NRXN1: variants seen among roughly 807,000 people sequenced by gnomAD.
NRXN1 encodes the protein neurexin 1.
NRXN1 carries 39 observed loss-of-function variants against 150.9 expected under a neutral mutation model. That is an observed-to-expected ratio of 0.26 (90% CI 0.20 to 0.34). The LOEUF (loss-of-function observed/expected upper bound fraction) is 0.34, where lower values mean the gene tolerates loss of function less well. Among genes scored for constraint, NRXN1 ranks in the 10% least tolerant of loss-of-function variants. The pLI, the probability that NRXN1 is intolerant of heterozygous loss-of-function variation, is 1.00. For missense variants in NRXN1, 1,815 were observed against 1,949.9 expected, an observed-to-expected ratio of 0.93 and a Z score of 1.30; for synonymous variants, 924 against 757.0, an observed-to-expected ratio of 1.22 and a Z score of -3.62.
In NRXN1 at chr2:49,922,115, G is replaced by A. The variant is rs1668310083; in HGVS notation, c.4353C>T (p.Ala1451=). 1 of 1,614,120 alleles carries A rather than the reference G, an allele frequency of 6.2e-7. No homozygotes were observed. Among genetic ancestry groups the A allele is most frequent in the East Asian group, 2.2e-5 (1 of 44,856 alleles). Residue 1451 remains alanine, a synonymous_variant, in exon 23 of 23, where the codon GCC becomes GCT. Transcript: ENST00000401669. The part of the protein sequence containing the change: ...AALCILILLY[A]MYKYRNRDEG... Reference sequence around the variant, plus strand: ...CATCCCGGTTTCTGTACTTGTACATGGCATAGAGGAGGATAAGGATGCACA... The same window carrying A: ...CATCCCGGTTTCTGTACTTGTACATAGCATAGAGGAGGATAAGGATGCACA...
chr2:50,762,157 A>C (rs994874830), intron 5 of NRXN1, among the ~76,000 whole-genome samples: 6 of 149,550 alleles, frequency 4.0e-5, no homozygotes, highest in Non-Finnish European at 7.4e-5. Flanking sequence ...ACACACATCT[A>C]TCCTATTAGT....
At chr2:50,617,085 G>C (rs904079594) in intron 8 of NRXN1, among the ~76,000 whole-genome samples, 3 of 152,132 alleles carry the variant, frequency 2.0e-5, no homozygotes, top group Non-Finnish European at 2.9e-5. Flanking sequence ...AACAAGAGCA[G>C]GGCCTTCTAA....
intron 17 of NRXN1, among the ~76,000 whole-genome samples, chr2:50,400,215 T>C (rs1484491271): frequency 1.3e-5 from 2 of 152,140 alleles, no homozygotes; most frequent in East Asian, 1.9e-4. Flanking sequence ...AAGGAAGCGA[T>C]GTCGAGTTTC....
chr2:50,284,817 A>C (rs2071910565), intron 17 of NRXN1, among the ~76,000 whole-genome samples: 2 of 152,182 alleles, frequency 1.3e-5, no homozygotes, highest in African/African-American at 2.4e-5. Flanking sequence ...CATATTCAGT[A>C]ACACCTTGCT....
At chr2:50,563,933 C>G (rs1202433682) in intron 8 of NRXN1, among the ~76,000 whole-genome samples, 1 of 152,120 alleles carries the variant, frequency 6.6e-6, no homozygotes, top group Non-Finnish European at 1.5e-5. Context: ...GAAAAGGTGG[C>G]ATTTAAGACA....
At chr2:50,155,196 T>A (rs1481670975) in intron 18 of NRXN1, among the ~76,000 whole-genome samples, 1 of 151,660 alleles carries the variant, frequency 6.6e-6, no homozygotes, top group Non-Finnish European at 1.5e-5. Flanking sequence ...TAAAATACTA[T>A]CCAGTTGAAA....
chr2:50,136,796 G>A (rs1236829555), intron 18 of NRXN1, among the ~76,000 whole-genome samples: 1 of 152,126 alleles, frequency 6.6e-6, no homozygotes, highest in South Asian at 2.1e-4. Flanking sequence ...TTATTTATTT[G>A]TTATGGTCCC....
chr2:50,479,722 A>C (rs562856818), intron 15 of NRXN1, among the ~76,000 whole-genome samples: 4 of 148,996 alleles, frequency 2.7e-5, no homozygotes, highest in African/African-American at 9.9e-5. Flanking sequence ...ATAATGAATT[A>C]AGTTAATTGT....
At chr2:50,649,550 T>C (rs535969829) in intron 5 of NRXN1, among the ~76,000 whole-genome samples, 22 of 152,094 alleles carry the variant, frequency 1.4e-4, no homozygotes, top group Admixed American at 8.5e-4. Context: ...GTGAGATTGG[T>C]TGGTTTTGCT....
chr2:50,860,487 T>C (rs776443914), intron 5 of NRXN1, among the ~76,000 whole-genome samples: 7 of 151,890 alleles, frequency 4.6e-5, no homozygotes, highest in Admixed American at 6.6e-5. Context: ...AGATGAAAGG[T>C]GAAAGGTCAT....
At chr2:50,290,112 T>G (rs2072726652) in intron 17 of NRXN1, among the ~76,000 whole-genome samples, 2 of 152,110 alleles carry the variant, frequency 1.3e-5, no homozygotes, top group South Asian at 2.1e-4. Flanking sequence ...TTCAGACACA[T>G]GATGAAAGTA....
At chr2:50,559,069 G>A (rs1668673358) in intron 8 of NRXN1, among the ~76,000 whole-genome samples, 1 of 152,030 alleles carries the variant, frequency 6.6e-6, no homozygotes, top group African/African-American at 2.4e-5. Flanking sequence ...GTGACAGAGT[G>A]AGACTCCGTC....
intron 19 of NRXN1, among the ~76,000 whole-genome samples, chr2:50,070,258 G>C (rs1225691961): frequency 6.6e-6 from 1 of 152,156 alleles, no homozygotes; most frequent in Admixed American, 6.5e-5. Context: ...TAGCACTAAA[G>C]AGATTAGATC....
At chr2:50,987,359 G>C (rs1697884231) in intron 2 of NRXN1, among the ~76,000 whole-genome samples, 1 of 151,794 alleles carries the variant, frequency 6.6e-6, no homozygotes, top group Non-Finnish European at 1.5e-5. Context: ...TCTTCTTCTA[G>C]ATATTCACTC....
intron 8 of NRXN1, among the ~76,000 whole-genome samples, chr2:50,617,261 C>T (rs1428464820): frequency 6.6e-6 from 1 of 151,908 alleles, no homozygotes; most frequent in Non-Finnish European, 1.5e-5. Flanking sequence ...TAGAGTGAAA[C>T]CCGTCACTAC....
At chr2:50,354,126 T>C (rs985888412) in intron 17 of NRXN1, among the ~76,000 whole-genome samples, 6 of 152,186 alleles carry the variant, frequency 3.9e-5, no homozygotes, top group African/African-American at 7.2e-5. Flanking sequence ...GCATAGATCA[T>C]AGTGCTGTTC....
chr2:50,584,056 G>A (rs1023573194), intron 8 of NRXN1, among the ~76,000 whole-genome samples: 2 of 152,134 alleles, frequency 1.3e-5, no homozygotes, highest in Non-Finnish European at 2.9e-5. Context: ...GAAAGAAAAA[G>A]TCTACCCAGT....
chr2:50,031,023 T>C lies in NRXN1; in HGVS notation c.4128+22248A>G, dbSNP rs377308194. The stretch of plus-strand genomic sequence containing the variant: ...GGGACAAAAAAGGGTTCCTGGCTCA[T>C]AATTTTAAAGCACTACCCACAGTGG... On this transcript the variant is annotated intron_variant, in intron 21 of 22. Transcript: ENST00000401669. 2.3e-4 allele frequency among the ~76,000 whole-genome samples: 35 copies of C among 152,194 alleles called. No individual in the cohort carries two copies. The South Asian group carries it at 5.2e-3, about 23-fold the overall frequency.
chr2:50,586,175 A>C lies in NRXN1; in HGVS notation c.1321-33150T>G, dbSNP rs552946895. ...CCTACTTACCCTCCAGGGTGTTTGC[A>C]CTTGCTGTTCTTTCTACCCAGAACG... On this transcript the variant is annotated intron_variant, in intron 8 of 22. Transcript: ENST00000401669. Among the ~76,000 whole-genome samples the C allele has an allele frequency of 5.3e-5, 8 of 152,234 alleles. No homozygotes were observed. The South Asian group carries it at 1.7e-3, about 32-fold the overall frequency.
Sources: gnomAD v4.1 joint callset for allele counts (sites outside exome capture counted in the v4.1 genomes callset) on GRCh38, gnomAD v4.1.1 for gene constraint, MANE v1.5 for transcripts, NCBI Gene and HGNC (gene_info 2026-07-23, HGNC 2026-07-21) for gene names.